SAP130: variants seen among roughly 807,000 people sequenced by gnomAD.
SAP130 encodes the protein histone deacetylase complex subunit SAP130.
In SAP130, 16 loss-of-function variants were observed where a neutral mutation model predicts 103.2. The ratio of observed to expected loss-of-function variants is 0.16; its 90% CI spans 0.10 to 0.24. The LOEUF (loss-of-function observed/expected upper bound fraction) is 0.24, where lower values mean the gene tolerates loss of function less well. Among genes scored for constraint, SAP130 ranks in the 10% least tolerant of loss-of-function variants. The probability of loss-of-function intolerance (pLI) is 1.00; values close to 1 mark genes in which losing one functional copy is unlikely to be tolerated. For synonymous variants in SAP130, 477 were observed against 497.0 expected, an observed-to-expected ratio of 0.96 and a Z score of 0.53; for missense variants, 990 against 1,359.7, an observed-to-expected ratio of 0.73 and a Z score of 4.28.
At chr2:127,999,710 A>G (rs1683416693) in intron 10 of SAP130, 31 bp downstream of exon 10, 1 of 1,339,506 alleles carries the variant, frequency 7.5e-7, no homozygotes, top group Non-Finnish European at 1.0e-6. Flanking sequence ...ACTCCTGGTA[A>G]GCTTCTGTCC....
intron 10 of SAP130, among the ~76,000 whole-genome samples, chr2:127,997,043 T>A (rs1351549969): frequency 1.3e-5 from 2 of 152,216 alleles, no homozygotes; most frequent in Non-Finnish European, 2.9e-5. Context: ...AAAACGACTT[T>A]AATTCCCAAG....
intron 15 of SAP130, among the ~76,000 whole-genome samples, chr2:127,963,402 G>C (rs1414677395): frequency 6.6e-6 from 1 of 151,990 alleles, no homozygotes; most frequent in East Asian, 1.9e-4. Flanking sequence ...GCTCATTTTT[G>C]TATCTTTTGT....
At chr2:127,957,670 C>T (rs1206891685) in intron 15 of SAP130, among the ~76,000 whole-genome samples, 1 of 149,688 alleles carries the variant, frequency 6.7e-6, no homozygotes, top group Non-Finnish European at 1.5e-5. Flanking sequence ...GAGACCCTGC[C>T]TCTTAAAAAA....
In SAP130 at chr2:127,986,720, C is replaced by A. The variant is rs1276920669; in HGVS notation, c.1958+65G>T. 13 of 1,460,840 alleles carry A rather than the reference C, an allele frequency of 8.9e-6. No homozygotes were observed. Among genetic ancestry groups the A allele is most frequent in the Non-Finnish European group, 1.2e-5 (13 of 1,060,064 alleles). 90.5% of individuals were successfully genotyped at this position (1,460,840 alleles called of 1,614,324 possible). On this transcript the variant is annotated intron_variant, in intron 14 of 20. Coordinates refer to ENST00000643581, the MANE Select transcript of SAP130 (RefSeq NM_001330301.2). The surrounding 1 kb of genome is among the most constrained non-coding windows in gnomAD (Gnocchi z 4.7). ...TTGATACCAGCATTAGATAAGAGTGCCTATTATGTATACCAGTTATATCCA... is the reference window on the plus strand; with the variant it reads ...TTGATACCAGCATTAGATAAGAGTGACTATTATGTATACCAGTTATATCCA...
At chr2:128,012,578 C>A (rs181188048) in intron 6 of SAP130, among the ~76,000 whole-genome samples, 2 of 152,114 alleles carry the variant, frequency 1.3e-5, no homozygotes, top group East Asian at 3.9e-4. Flanking sequence ...ATATTTCCTG[C>A]AAATATATTA....
rs947917537 is a variant in SAP130, at chr2:128,015,056, T to C, written c.508-142A>G. On this transcript the variant is annotated intron_variant, in intron 4 of 20. Transcript: ENST00000643581. ...GAGAAAGGGCTAAGGACATTCAGCT[T>C]GAGCTACTTTTACATGCCATACCGT... 9.4e-6 allele frequency: 6 copies of C among 638,472 alleles called. No homozygotes were observed. In the African/African-American group the frequency reaches 1.1e-4, roughly 12 times the overall value. 39.6% of individuals were successfully genotyped at this position (638,472 alleles called of 1,614,324 possible).
At chr2:127,969,382 T>A (rs1411002300) in intron 15 of SAP130, among the ~76,000 whole-genome samples, 1 of 152,222 alleles carries the variant, frequency 6.6e-6, no homozygotes, top group Admixed American at 6.5e-5. Flanking sequence ...TTAGCACAAG[T>A]CAAGTTCAGC....
At chr2:128,004,364 T>C (rs1683810372) in intron 7 of SAP130, among the ~76,000 whole-genome samples, 1 of 100,058 alleles carries the variant, frequency 1.0e-5, no homozygotes, top group Non-Finnish European at 1.7e-5. Flanking sequence ...TTCTTTCCTT[T>C]TTTTTTTTTT....
rs372337440 is a variant in SAP130 at position 127,958,635 on chromosome 2, T to TGAGA, written c.2064-3295_2064-3292dup. Among the ~76,000 whole-genome samples the TGAGA allele has an allele frequency of 8.8e-3, 1,117 of 127,648 alleles. 15 individuals are homozygous for TGAGA. The highest frequency in any genetic ancestry group is 0.027 in the South Asian group (93 of 3,392). 83.7% of individuals were successfully genotyped at this position (127,648 alleles called of 152,430 possible). On this transcript the variant is annotated intron_variant, in intron 15 of 20. Coordinates refer to ENST00000643581, the MANE Select transcript of SAP130 (RefSeq NM_001330301.2). ...CTCATATATATGAGAGTGAGACAGA[T>TGAGA]GAGAGAGAGAGAGAGAGAGAGAGAG...
Position 127,999,769 on chromosome 2 carries a change from A to G in SAP130, c.1185T>C (p.Thr395=). 6.5e-7 allele frequency: 1 copy of G among 1,529,396 alleles called. No homozygotes were observed. Among genetic ancestry groups the G allele is most frequent in the Non-Finnish European group, 8.8e-7 (1 of 1,141,918 alleles). The allele number at this position is 1,529,396 out of a possible 1,614,324, so 94.7% of individuals were successfully genotyped here. ...MTVPSHSSHA[T]AVTTSNIPVA... ...CTGGGATGTTTGAGGTGGTCACAGC[A>G]GTAGCATGGGAGGAATGGGAGGGTA... is the stretch of plus-strand genomic sequence containing the variant. Residue 395 remains threonine (T), a synonymous_variant, in exon 10 of 21, where the codon ACT becomes ACC. Transcript: ENST00000643581.
chr2:128,018,247 A>G (rs1684907477), intron 2 of SAP130, among the ~76,000 whole-genome samples: 1 of 151,726 alleles, frequency 6.6e-6, no homozygotes, highest in Non-Finnish European at 1.5e-5. Flanking sequence ...AAAGTTATAA[A>G]AGCCTGACAT....
In SAP130 at chr2:127,996,257, T is replaced by C. The variant is rs1360767273; in HGVS notation, c.1355+93A>G. 4 of 1,164,158 alleles carry C rather than the reference T, an allele frequency of 3.4e-6. No individual in the cohort carries two copies. Among genetic ancestry groups the C allele is most frequent in the South Asian group, 2.7e-5 (1 of 36,458 alleles). The allele number at this position is 1,164,158 out of a possible 1,614,324, so 72.1% of individuals were successfully genotyped here. A position where few individuals can be genotyped will look rare whatever the true frequency, so the allele number is the denominator to read the frequency against. On this transcript the variant is annotated intron_variant, in intron 11 of 20. Coordinates refer to ENST00000643581, the MANE Select transcript of SAP130 (RefSeq NM_001330301.2). The surrounding 1 kb of genome is among the most constrained non-coding windows in gnomAD (Gnocchi z 4.3). Reference sequence around the variant, plus strand: ...AATCTGAAAACATGAGTAATAAATATAGGCCATATTTGTGGGACACTTTGT... The same window carrying C: ...AATCTGAAAACATGAGTAATAAATACAGGCCATATTTGTGGGACACTTTGT...
At chr2:128,015,047 C>T (rs1684673856) in intron 4 of SAP130, 133 bp from the exon 5 acceptor site, 1 of 652,992 alleles carries the variant, frequency 1.5e-6, no homozygotes, top group South Asian at 1.9e-5. Context: ...GGGCTAAGGA[C>T]ATTCAGCTTG....
At chr2:127,957,594 T>G (rs1679933025) in intron 15 of SAP130, among the ~76,000 whole-genome samples, 1 of 151,824 alleles carries the variant, frequency 6.6e-6, no homozygotes, top group African/African-American at 2.4e-5. Context: ...GAGGACTGCT[T>G]GAGCCTGGGA....
At chr2:127,947,754 T>TTGTGTGTGTGTG (rs1491251653) in intron 18 of SAP130, among the ~76,000 whole-genome samples, 3 of 28,674 alleles carry the variant, frequency 1.0e-4, no homozygotes, top group African/African-American at 2.3e-4. Flanking sequence ...TAATTTTGTA[T>TTGTGTGTGTGTG]TGTGTGTGTC....
Position 127,942,407 on chromosome 2 carries a change from A to G in SAP130, c.3015+17T>C. On this transcript the variant is annotated intron_variant, in intron 20 of 20. Coordinates refer to ENST00000643581, the MANE Select transcript of SAP130 (RefSeq NM_001330301.2). This position sits in a 1 kb window ranked among gnomAD's most constrained non-coding sequence, Gnocchi z 4.8. Reference sequence around the variant, plus strand: ...TTCATAAAGTAGATGATCAGAAGGGAAGGGGCGCACTCAAACCTGTATCAG... The same window carrying G: ...TTCATAAAGTAGATGATCAGAAGGGGAGGGGCGCACTCAAACCTGTATCAG... 1.3e-6 allele frequency: 2 copies of G among 1,540,610 alleles called. No individual in the cohort carries two copies. Among genetic ancestry groups the G allele is most frequent in the Middle Eastern group, 1.7e-4 (1 of 5,932 alleles).
intron 1 of SAP130, chr2:128,027,041 G>T: frequency 1.5e-6 from 2 of 1,370,910 alleles, no homozygotes; most frequent in South Asian, 3.8e-5. Context: ...GTGGGGGTGC[G>T]GACGGGCGAT....
chr2:127,943,266 G>GT (rs1198390675), intron 19 of SAP130, among the ~76,000 whole-genome samples: 1 of 152,184 alleles, frequency 6.6e-6, no homozygotes. Flanking sequence ...ACTTTATGAG[G>GT]TTGTTGCCTC....
rs958826511 is a variant in SAP130 at position 128,027,184 on chromosome 2, C to T, written c.-7+756G>A. 9.7e-6 allele frequency: 12 copies of T among 1,239,458 alleles called. No homozygotes were observed. The Middle Eastern group carries it at 1.5e-3, about 154-fold the overall frequency. 76.8% of individuals were successfully genotyped at this position (1,239,458 alleles called of 1,614,324 possible). On this transcript the variant is annotated intron_variant, in intron 1 of 20. Coordinates refer to ENST00000643581, the MANE Select transcript of SAP130 (RefSeq NM_001330301.2). ...CCCATCTCGGCGGCGGCGATGTGCT[C>T]GGCGGGCGCGGGGAGGGATCGCGGC...
Sources: allele counts gnomAD v4.1 joint callset (sites outside exome capture counted in the v4.1 genomes callset), GRCh38; gene constraint gnomAD v4.1.1; non-coding constraint Gnocchi (gnomAD v3.1); transcripts MANE v1.5; gene names NCBI Gene and HGNC (gene_info 2026-07-23, HGNC 2026-07-21).